LARGE1: variants seen among roughly 807,000 people sequenced by gnomAD.
LARGE1 encodes xylosyl- and glucuronyltransferase LARGE1.
Under a neutral mutation model 87.6 loss-of-function variants are expected in LARGE1, and 43 were observed. The observed-to-expected ratio is 0.49, with a 90% CI of 0.38 to 0.63. LARGE1 has a LOEUF of 0.63. Among genes scored for constraint, LARGE1 ranks in the 30% least tolerant of loss-of-function variants. The pLI is 0.00. For synonymous variants in LARGE1, 434 were observed against 394.6 expected (o/e 1.10, Z -1.18); for missense variants, 802 against 1,000.2 (o/e 0.80, Z 2.67).
chr22:33,294,547 A>G (rs942444111), intron 12 of LARGE1, among the ~76,000 whole-genome samples: 1 of 152,224 alleles, frequency 6.6e-6, no homozygotes, highest in Non-Finnish European at 1.5e-5. Context: ...GATTTAGTGC[A>G]TAGCCAGTTA....
intron 11 of LARGE1, among the ~76,000 whole-genome samples, chr22:33,208,568 A>G (rs1211193015): frequency 7.1e-6 from 1 of 141,416 alleles, no homozygotes; most frequent in South Asian, 2.2e-4. Context: ...CTTTAAAAAC[A>G]AGTCACTTTT....
chr22:33,180,718 C>T (rs555818096), intron 11 of LARGE1, among the ~76,000 whole-genome samples: 12 of 152,320 alleles, frequency 7.9e-5, no homozygotes, highest in Middle Eastern at 6.8e-3. Flanking sequence ...GATAAATCCT[C>T]ACAACAGAAT....
intron 9 of LARGE1, among the ~76,000 whole-genome samples, chr22:33,338,020 C>T (rs888702942): frequency 5.9e-5 from 9 of 152,196 alleles, no homozygotes; most frequent in Non-Finnish European, 1.3e-4. Flanking sequence ...TTTAATCTCA[C>T]ACAAGTGACT....
chr22:33,403,407 T>C (rs950735968), intron 7 of LARGE1, among the ~76,000 whole-genome samples: 1 of 152,186 alleles, frequency 6.6e-6, no homozygotes, highest in Non-Finnish European at 1.5e-5. Flanking sequence ...ACTAAGTTGA[T>C]TTCAAAAGAA....
At chr22:33,698,767 A>T (rs1207806797) in intron 2 of LARGE1, among the ~76,000 whole-genome samples, 1 of 152,186 alleles carries the variant, frequency 6.6e-6, no homozygotes, top group African/African-American at 2.4e-5. Flanking sequence ...TGCCACGGGA[A>T]CTTCACACTT....
At chr22:33,215,117 C>A (rs975094670) in intron 11 of LARGE1, among the ~76,000 whole-genome samples, 3 of 152,202 alleles carry the variant, frequency 2.0e-5, no homozygotes, top group African/African-American at 7.2e-5. Context: ...ATACTAAACT[C>A]CATACCAAAT....
chr22:33,541,077 G>C (rs1366467371), intron 6 of LARGE1, among the ~76,000 whole-genome samples: 1 of 105,712 alleles, frequency 9.5e-6, no homozygotes, highest in Admixed American at 9.9e-5. Flanking sequence ...GCGGGGGGCG[G>C]GTTGCAGGGG....
At chr22:33,682,003 A>G (rs1425089038) in intron 2 of LARGE1, among the ~76,000 whole-genome samples, 2 of 152,174 alleles carry the variant, frequency 1.3e-5, no homozygotes, top group African/African-American at 2.4e-5. Context: ...AAGACCAAGA[A>G]TCTGACGCAA....
chr22:33,375,750 T>TTTA (rs1569107040), intron 9 of LARGE1, among the ~76,000 whole-genome samples: 26 of 152,112 alleles, frequency 1.7e-4, no homozygotes, highest in African/African-American at 6.0e-4. Context: ...TATGTTTATT[T>TTTA]TTTATTTATT....
At chr22:33,772,415 C>T (rs2085099741) in intron 1 of LARGE1, among the ~76,000 whole-genome samples, 1 of 152,138 alleles carries the variant, frequency 6.6e-6, no homozygotes, top group Admixed American at 6.5e-5. Context: ...CCTGACTTGA[C>T]CTCGATCTCT....
At chr22:33,088,848 G>A in the LARGE1 span, among the ~76,000 whole-genome samples, 4 of 152,128 alleles carry the variant, frequency 2.6e-5, no homozygotes, top group African/African-American at 9.7e-5. Context: ...TTCTCATCTG[G>A]AAAATGGGGA....
chr22:33,916,433 A>G (rs2146991233), intron 1 of LARGE1, among the ~76,000 whole-genome samples: 1 of 152,334 alleles, frequency 6.6e-6, no homozygotes, highest in South Asian at 2.1e-4. Context: ...TGTTAAACGA[A>G]AAGATGAAAA....
intron 1 of LARGE1, among the ~76,000 whole-genome samples, chr22:33,862,335 C>T (rs1452994326): frequency 2.0e-5 from 3 of 152,140 alleles, no homozygotes; most frequent in Non-Finnish European, 2.9e-5. Flanking sequence ...TGGGAGCCTT[C>T]GACAGAGGTG....
chr22:33,078,981 C>T, the LARGE1 span, among the ~76,000 whole-genome samples: 3 of 152,162 alleles, frequency 2.0e-5, no homozygotes, highest in African/African-American at 4.8e-5. Context: ...AGAGACAACA[C>T]AGCACACTAA....
intron 1 of LARGE1, among the ~76,000 whole-genome samples, chr22:33,857,478 G>C (rs2063788082): frequency 6.6e-6 from 1 of 152,196 alleles, no homozygotes; most frequent in Non-Finnish European, 1.5e-5. Context: ...AAGTTTTCAA[G>C]GACACATACT....
intron 12 of LARGE1, among the ~76,000 whole-genome samples, chr22:33,286,487 A>G (rs1931561719): frequency 6.6e-6 from 1 of 152,210 alleles, no homozygotes; most frequent in South Asian, 2.1e-4. Context: ...GCAATCACCC[A>G]GCACCTATGA....
intron 6 of LARGE1, among the ~76,000 whole-genome samples, chr22:33,515,340 A>T (rs1372854865): frequency 2.0e-5 from 3 of 152,104 alleles, no homozygotes; most frequent in Non-Finnish European, 4.4e-5. Context: ...GAGACCTAGA[A>T]AGAGAGCAGC....
intron 6 of LARGE1, among the ~76,000 whole-genome samples, chr22:33,502,040 CA>C (rs1484779181): frequency 6.6e-6 from 1 of 151,872 alleles, no homozygotes; most frequent in Non-Finnish European, 1.5e-5. Flanking sequence ...ATTAAAAACA[CA>C]AAAAATTAGC....
At chr22:33,583,367 A>C (rs80159209) in intron 5 of LARGE1, among the ~76,000 whole-genome samples, 1 of 152,176 alleles carries the variant, frequency 6.6e-6, no homozygotes, top group Non-Finnish European at 1.5e-5. Flanking sequence ...GCAAAATATT[A>C]AGTCTGGAGA....
Sources: gnomAD v4.1 joint callset for allele counts (sites outside exome capture counted in the v4.1 genomes callset) on GRCh38, gnomAD v4.1.1 for gene constraint, MANE v1.5 for transcripts, NCBI Gene and HGNC (gene_info 2026-07-23, HGNC 2026-07-21) for gene names.